GALNS: variants seen among roughly 807,000 people sequenced by gnomAD.
GALNS encodes galactosamine (N-acetyl)-6-sulfatase, also known as N-acetylgalactosamine-6-sulfatase.
A neutral mutation model predicts 65.9 loss-of-function variants in GALNS; 65 were observed. The ratio of observed to expected loss-of-function variants is 0.99; its 90% CI spans 0.81 to 1.21. The LOEUF is 1.21. GALNS is among the 50% of genes most tolerant of loss of function. The pLI is 0.00. For synonymous variants in GALNS, 346 were observed against 288.9 expected (o/e 1.20, Z -2.00); for missense variants, 776 against 700.7 (o/e 1.11, Z -1.21).
At chr16:88,837,518 C>T (rs1372496253) in intron 5 of GALNS, 104 bp downstream of exon 5, 3 of 1,205,082 alleles carry the variant, frequency 2.5e-6, no homozygotes, top group Non-Finnish European at 3.6e-6. Flanking sequence ...ACAGACCAGC[C>T]CTCATGAGTG....
At chr16:88,841,335 C>G (rs1032182960) in intron 3 of GALNS, among the ~76,000 whole-genome samples, 1 of 152,158 alleles carries the variant, frequency 6.6e-6, no homozygotes, top group Admixed American at 6.5e-5. Context: ...TCCGTGCCCC[C>G]CAGCGCCTTC....
At position 88,838,096 on chromosome 16, in the gene GALNS, C is replaced by T. The variant is rs74945728; in HGVS notation, c.423-331G>A. ...CCGCCTGACATGCCCCTCGTGGCCC[C>T]GGCTCCTTCCTTCCACGTTTTCTGA... On this transcript the variant is annotated intron_variant, in intron 4 of 13. Transcript: ENST00000268695. 5.0e-4 allele frequency among the ~76,000 whole-genome samples: 76 copies of T among 152,312 alleles called. No individual in the cohort carries two copies. The East Asian group carries it at 0.012, about 24-fold the overall frequency.
intron 4 of GALNS, among the ~76,000 whole-genome samples, chr16:88,839,242 G>A (rs1349506412): frequency 1.4e-5 from 2 of 147,588 alleles, no homozygotes; most frequent in Admixed American, 6.7e-5. Context: ...ACACTCGTGC[G>A]CCCACGTCCG....
chr16:88,847,776 G>A (rs1158745311), intron 1 of GALNS, among the ~76,000 whole-genome samples: 2 of 152,226 alleles, frequency 1.3e-5, no homozygotes, highest in African/African-American at 2.4e-5. Context: ...AACGTGACAC[G>A]CAGCACCTGG....
rs143428106 is a variant in GALNS at position 88,836,268 on chromosome 16, C to A, written c.567-1G>T. ...ATTAATAGGAAATTCTTCATAATATCTGAAAAGAACACAGATCCAGACAGA... is the reference window on the plus strand; with the variant it reads ...ATTAATAGGAAATTCTTCATAATATATGAAAAGAACACAGATCCAGACAGA... On this transcript the variant is annotated splice_acceptor_variant, in intron 5 of 13. Transcript: ENST00000268695. LOFTEE classifies it high-confidence loss of function. The A allele has an allele frequency of 6.2e-7, 1 of 1,610,778 alleles. No homozygotes were observed. The highest frequency in any genetic ancestry group is 8.5e-7 in the Non-Finnish European group (1 of 1,178,470).
At chr16:88,840,752 G>C (rs1312902214) in intron 4 of GALNS, 3 of 557,454 alleles carry the variant, frequency 5.4e-6, no homozygotes, top group Non-Finnish European at 9.8e-6. Flanking sequence ...CAGGCCTGCG[G>C]AGTCTGATGC....
chr16:88,826,343 C>T (rs1250832862), intron 10 of GALNS, among the ~76,000 whole-genome samples: 2 of 88,640 alleles, frequency 2.3e-5, no homozygotes, highest in East Asian at 3.6e-4. Context: ...AGGGGTGCGG[C>T]GGACAGGGGT....
At position 88,818,125 on chromosome 16, in the gene GALNS, C is replaced by T. The variant is rs1909832718; in HGVS notation, c.1365-1G>A. The T allele has an allele frequency of 6.4e-7, 1 of 1,572,114 alleles. No individual in the cohort carries two copies. The highest frequency in any genetic ancestry group is 2.3e-5 in the East Asian group (1 of 43,940). On this transcript the variant is annotated splice_acceptor_variant, in intron 12 of 13. Transcript: ENST00000268695. LOFTEE classifies it high-confidence loss of function. ...CTCCTGGTACTCGGCGCTGGCAAAG[C>T]TGGGGACAGAGAGCTCTGGTCACAC...
In GALNS at chr16:88,814,579, C is replaced by T; in HGVS notation, c.1483-54G>A. 4.5e-6 allele frequency: 7 copies of T among 1,548,572 alleles called. No homozygotes were observed. In the South Asian group the frequency reaches 8.3e-5, roughly 18 times the overall value. On this transcript the variant is annotated intron_variant, in intron 13 of 13. Transcript: ENST00000268695. ...ATGCAGTTATTCAAGCTCTTCTGGA[C>T]CCAGCAGCAGCGGGCATTTTGTTGT...
intron 1 of GALNS, chr16:88,843,094 C>T (rs760267278): frequency 6.7e-7 from 1 of 1,492,886 alleles, no homozygotes; most frequent in South Asian, 1.2e-5. Context: ...TGTCTTTCGC[C>T]TCCACTTCTG....
intron 8 of GALNS, among the ~76,000 whole-genome samples, chr16:88,832,430 G>A (rs137872759): frequency 5.8e-4 from 89 of 152,320 alleles, no homozygotes; most frequent in Non-Finnish European, 9.4e-4. Flanking sequence ...GGTGCTTCCC[G>A]AACGTGAATG....
chr16:88,829,996 G>A (rs551086808), intron 9 of GALNS, among the ~76,000 whole-genome samples: 2 of 152,270 alleles, frequency 1.3e-5, no homozygotes, highest in South Asian at 4.1e-4. Context: ...ACTTTCGGAG[G>A]CCGAGGCGGG....
Position 88,816,265 on chromosome 16 carries a change from G to A in GALNS, c.1483-1740C>T, listed in dbSNP as rs558175259. The stretch of plus-strand genomic sequence containing the variant: ...TGTCTCCATGGCAGGTGTGGCCTGC[G>A]CCCGTGGAGCCACTGCAGCCTGGGT... On this transcript the variant is annotated intron_variant, in intron 13 of 13. Transcript: ENST00000268695. The A allele has an allele frequency of 1.2e-5, 12 of 985,412 alleles. No individual in the cohort carries two copies. In the Admixed American group the frequency reaches 1.8e-4, roughly 15 times the overall value. 61.0% of individuals were successfully genotyped at this position (985,412 alleles called of 1,614,324 possible).
intron 11 of GALNS, among the ~76,000 whole-genome samples, chr16:88,823,202 A>G (rs1251239282): frequency 6.6e-6 from 1 of 152,172 alleles, no homozygotes; most frequent in African/African-American, 2.4e-5. Context: ...GAGAAGGGAG[A>G]GCCACAACGC....
At position 88,818,072 on chromosome 16, in the gene GALNS, G is replaced by A. The variant is rs118204439; in HGVS notation, c.1417C>T (p.Gln473Ter). Residue 473 changes from glutamine to a stop codon, truncating the protein, a stop_gained, in exon 13 of 14, where the codon CAG (glutamine) becomes TAG (stop). Coordinates refer to ENST00000268695, the MANE Select transcript of GALNS (RefSeq NM_000512.5). LOFTEE classifies it high-confidence loss of function. ...EALSRITSVV[Q>*]QHQEALVPAQ... ...GGGACCAAGGCCTCCTGGTGCTGCTGGACGACCGAGGTGATCCTGCTGAGG... is the reference window on the plus strand; with the variant it reads ...GGGACCAAGGCCTCCTGGTGCTGCTAGACGACCGAGGTGATCCTGCTGAGG... The A allele has an allele frequency of 1.3e-6, 2 of 1,574,444 alleles. No homozygotes were observed.
intron 8 of GALNS, among the ~76,000 whole-genome samples, chr16:88,834,908 T>TGCGGCCTCCAAAGCCTCCGGAC (rs1402706156): frequency 6.6e-6 from 1 of 152,162 alleles, no homozygotes; most frequent in Non-Finnish European, 1.5e-5. Context: ...GCTGTTTCCA[T>TGCGGCCTCCAAAGCCTCCGGAC]GCGGCCTCCA....
In GALNS at chr16:88,824,619, G is replaced by A. The variant is rs1910610854; in HGVS notation, c.1242+148C>T. The A allele has an allele frequency of 5.6e-6, 4 of 713,782 alleles. No homozygotes were observed. In the Admixed American group the frequency reaches 6.1e-5, roughly 11 times the overall value. The allele number at this position is 713,782 out of a possible 1,614,324, so 44.2% of individuals were successfully genotyped here. A position where few individuals can be genotyped will look rare whatever the true frequency, so the allele number is the denominator to read the frequency against. On this transcript the variant is annotated intron_variant, in intron 11 of 13. Transcript: ENST00000268695. ...TGCCATGCCCTAGGCCACGCTGAAC[G>A]ACTGGGGGCCACACAGAGAAGGCTG...
rs563094390 is a variant in GALNS at position 88,851,858 on chromosome 16, G to A, written c.120+4900C>T. On this transcript the variant is annotated intron_variant, in intron 1 of 13. Coordinates refer to ENST00000268695, the MANE Select transcript of GALNS (RefSeq NM_000512.5). ...AGTAGGTAAACAAAGCGGCAGGGAA[G>A]CTCGAACCGGGCAGAGCCCACCGCA... Among the ~76,000 whole-genome samples the A allele has an allele frequency of 9.9e-4, 151 of 152,376 alleles. 2 individuals carry two copies. The highest frequency in any genetic ancestry group is 3.5e-3 in the African/African-American group (145 of 41,590).
At chr16:88,826,929 C>T in intron 9 of GALNS, 91 bp from the exon 10 acceptor site, 4 of 1,449,890 alleles carry the variant, frequency 2.8e-6, no homozygotes, top group Non-Finnish European at 2.8e-6. Flanking sequence ...AGCCCCGCTG[C>T]CCAGCTGGGT....
Sources: gnomAD v4.1 joint callset for allele counts (sites outside exome capture counted in the v4.1 genomes callset) on GRCh38, gnomAD v4.1.1 for gene constraint, MANE v1.5 for transcripts, NCBI Gene and HGNC (gene_info 2026-07-23, HGNC 2026-07-21) for gene names.